The following ARHGAP25 variants were observed in gnomAD, a reference collection of about 807,000 sequenced individuals.
ARHGAP25 encodes rho GTPase-activating protein 25.
Under a neutral mutation model 71.0 loss-of-function variants are expected in ARHGAP25, and 34 were observed. The ratio of observed to expected loss-of-function variants is 0.48; its 90% CI spans 0.36 to 0.64. The LOEUF is 0.64. Among genes scored for constraint, ARHGAP25 ranks in the 30% least tolerant of loss-of-function variants. The pLI, the probability that ARHGAP25 is intolerant of heterozygous loss-of-function variation, is 0.00. For synonymous variants in ARHGAP25, 282 were observed against 296.5 expected, an observed-to-expected ratio of 0.95 and a Z score of 0.50; for missense variants, 706 against 805.1, an observed-to-expected ratio of 0.88 and a Z score of 1.49.
chr2:68,742,128 A>G (rs1288531273), intron 1 of ARHGAP25, among the ~76,000 whole-genome samples: 3 of 152,106 alleles, frequency 2.0e-5, no homozygotes, highest in Non-Finnish European at 4.4e-5. Context: ...CGTACTATCC[A>G]TCCACCCCCA....
intron 2 of ARHGAP25, among the ~76,000 whole-genome samples, chr2:68,720,404 A>G (rs746527121): frequency 2.5e-4 from 38 of 152,094 alleles, no homozygotes; most frequent in Middle Eastern, 6.8e-3. Flanking sequence ...CTCTGTACAG[A>G]GATTAACTTC....
chr2:68,726,968 C>A (rs1309560763), intron 2 of ARHGAP25, among the ~76,000 whole-genome samples: 1 of 151,802 alleles, frequency 6.6e-6, no homozygotes, highest in African/African-American at 2.4e-5. Flanking sequence ...GGGAATAAAA[C>A]CTTAATTTTG....
chr2:68,742,883 T>C (rs1675594673), intron 1 of ARHGAP25, among the ~76,000 whole-genome samples: 1 of 152,266 alleles, frequency 6.6e-6, no homozygotes, highest in Non-Finnish European at 1.5e-5. Context: ...TGCTTCCAAA[T>C]GCCATGTACT....
At chr2:68,724,432 T>A (rs1185706791) in intron 2 of ARHGAP25, among the ~76,000 whole-genome samples, 1 of 152,142 alleles carries the variant, frequency 6.6e-6, no homozygotes, top group Non-Finnish European at 1.5e-5. Context: ...GCTGCCTCAC[T>A]GGGGAAGCTC....
chr2:68,746,382 G>C (rs1225998509), intron 1 of ARHGAP25, among the ~76,000 whole-genome samples: 1 of 152,120 alleles, frequency 6.6e-6, no homozygotes, highest in Non-Finnish European at 1.5e-5. Flanking sequence ...CTCTTTTCTT[G>C]CTCCATCTGT....
intron 2 of ARHGAP25, among the ~76,000 whole-genome samples, chr2:68,780,623 C>T (rs1416901919): frequency 6.6e-6 from 1 of 151,754 alleles, no homozygotes; most frequent in Non-Finnish European, 1.5e-5. Context: ...CCTTCCTTGT[C>T]TTTCATCCTC....
chr2:68,753,277 G>A (rs992463839), intron 1 of ARHGAP25, among the ~76,000 whole-genome samples: 1 of 152,200 alleles, frequency 6.6e-6, no homozygotes, highest in African/African-American at 2.4e-5. Flanking sequence ...CTGTATGGCG[G>A]AATCAAGACT....
At position 68,775,335 on chromosome 2, in the gene ARHGAP25, T is replaced by C; in HGVS notation, c.176T>C (p.Ile59Thr). ...GGCTGGCTGAAGAAGCAGAGGTCCA[T>C]CGTGAAGAACTGGCAGCAGAGGTAC... ...KMGWLKKQRSIVKNWQQRYFV... is the reference protein window; with the variant it reads ...KMGWLKKQRSTVKNWQQRYFV... The change falls in exon 2 of 11, where the codon ATC (isoleucine) becomes ACC (threonine). Residue 59 changes from isoleucine to threonine, a missense_variant. Coordinates refer to ENST00000409202, the MANE Select transcript of ARHGAP25 (RefSeq NM_001007231.3). 1 of 1,614,202 alleles carries C rather than the reference T, an allele frequency of 6.2e-7. No individual in the cohort carries two copies. The highest frequency in any genetic ancestry group is 8.5e-7 in the Non-Finnish European group (1 of 1,180,034).
chr2:68,788,153 G>A (rs776534664), intron 4 of ARHGAP25, among the ~76,000 whole-genome samples, 197 bp downstream of exon 4: 13 of 152,156 alleles, frequency 8.5e-5, no homozygotes, highest in African/African-American at 2.7e-4. Context: ...CACCCCCTGC[G>A]GCACCTGGGT....
At chr2:68,778,554 C>A (rs1413645927) in intron 2 of ARHGAP25, among the ~76,000 whole-genome samples, 1 of 152,090 alleles carries the variant, frequency 6.6e-6, no homozygotes, top group Non-Finnish European at 1.5e-5. Flanking sequence ...CCCCAAGATA[C>A]CAAAAAGCAG....
At chr2:68,718,454 C>T (rs1407257013) in intron 2 of ARHGAP25, among the ~76,000 whole-genome samples, 2 of 152,158 alleles carry the variant, frequency 1.3e-5, no homozygotes, top group Non-Finnish European at 2.9e-5. Flanking sequence ...AGCATGGCAT[C>T]CCCATCTCAA....
At chr2:68,782,406 C>A in intron 3 of ARHGAP25, 86 bp downstream of exon 3, 1 of 1,259,632 alleles carries the variant, frequency 7.9e-7, no homozygotes, top group South Asian at 1.2e-5. Context: ...AAGCTATATT[C>A]GGAGAGTAAT....
chr2:68,730,450 C>G (rs890595698), upstream of ARHGAP25, among the ~76,000 whole-genome samples: 39 of 152,180 alleles, frequency 2.6e-4, no homozygotes, highest in African/African-American at 9.2e-4. Context: ...TTGAGACCAG[C>G]CTGGGCAACA....
rs372477543 is a variant in ARHGAP25, at chr2:68,801,876, A to C, written c.467-5397A>C. Among the ~76,000 whole-genome samples, 31 of 152,362 alleles carry C rather than the reference A, an allele frequency of 2.0e-4. No homozygotes were observed. In the East Asian group the frequency reaches 5.0e-3, roughly 25 times the overall value. On this transcript the variant is annotated intron_variant, in intron 4 of 10. Coordinates refer to ENST00000409202, the MANE Select transcript of ARHGAP25 (RefSeq NM_001007231.3). The stretch of plus-strand genomic sequence containing the variant: ...AAGACTGGGTTTCCAGGTGGAGAGT[A>C]GGAGGAAGGGCATTCTCTTGAGAAT...
rs1239012569 is a variant in ARHGAP25 at position 68,816,198 on chromosome 2, G to C, written c.808-91G>C. ...ACTGCCAAAGTGTTGTTTCTGCACA[G>C]ATACACCAATTCTGTCCCAGGGTCT... is the stretch of plus-strand genomic sequence containing the variant. On this transcript the variant is annotated intron_variant, in intron 6 of 10. Transcript: ENST00000409202. The C allele has an allele frequency of 8.5e-6, 9 of 1,060,680 alleles. No homozygotes were observed. In the Admixed American group the frequency reaches 1.0e-4, roughly 12 times the overall value. 65.7% of individuals were successfully genotyped at this position (1,060,680 alleles called of 1,614,324 possible).
At chr2:68,807,153 T>C in intron 4 of ARHGAP25, 120 bp from the exon 5 acceptor site, 2 of 875,606 alleles carry the variant, frequency 2.3e-6, no homozygotes, top group African/African-American at 1.7e-5. Context: ...TTATCTCCCA[T>C]ATTTTGTCTA....
Position 68,787,853 on chromosome 2 carries a change from G to C in ARHGAP25, c.363G>C (p.Gln121His), listed in dbSNP as rs769419842. The C allele has an allele frequency of 3.1e-6, 5 of 1,614,162 alleles. No homozygotes were observed. Among genetic ancestry groups the C allele is most frequent in the Admixed American group, 1.7e-5 (1 of 60,026 alleles). ...TTCTTCCTCCAGCCTCATGGGACCA[G>C]AATCGCATGGGACAGGACTCCTATG... ...VFEIIPASWDQNRMGQDSYVL... is the reference protein window; with the variant it reads ...VFEIIPASWDHNRMGQDSYVL... Residue 121 changes from glutamine to histidine, a missense_variant, in exon 4 of 11, where the codon CAG becomes CAC. Coordinates refer to ENST00000409202, the MANE Select transcript of ARHGAP25 (RefSeq NM_001007231.3).
At chr2:68,736,063 C>A (rs969907211) in intron 1 of ARHGAP25, among the ~76,000 whole-genome samples, 1 of 152,094 alleles carries the variant, frequency 6.6e-6, no homozygotes, top group African/African-American at 2.4e-5. Flanking sequence ...TGTATCTCAC[C>A]CATACATGAG....
rs1450363577 is a variant in ARHGAP25 at position 68,767,712 on chromosome 2, C to T, written c.62-7509C>T. On this transcript the variant is annotated intron_variant, in intron 1 of 10. Transcript: ENST00000409202. This position sits in a 1 kb window ranked among gnomAD's most constrained non-coding sequence, Gnocchi z 4.6. ...GACGTGGCAGGATTACCTAATATGTCCGTTTTCTTGTTGGGGTATCAGCAC... is the reference window on the plus strand; with the variant it reads ...GACGTGGCAGGATTACCTAATATGTTCGTTTTCTTGTTGGGGTATCAGCAC... Among the ~76,000 whole-genome samples the T allele has an allele frequency of 6.6e-6, 1 of 152,102 alleles. No individual in the cohort carries two copies. The highest frequency in any genetic ancestry group is 6.5e-5 in the Admixed American group (1 of 15,270).
Sources: gnomAD v4.1 joint callset for allele counts (sites outside exome capture counted in the v4.1 genomes callset) on GRCh38, gnomAD v4.1.1 for gene constraint, Gnocchi (gnomAD v3.1) non-coding constraint, MANE v1.5 for transcripts, NCBI Gene and HGNC (gene_info 2026-07-23, HGNC 2026-07-21) for gene names.